Variants in CCSER1 observed in about 807,000 individuals in gnomAD.
The protein encoded by CCSER1 is serine-rich coiled-coil domain-containing protein 1.
A neutral mutation model predicts 82.0 loss-of-function variants in CCSER1; 41 were observed. The ratio of observed to expected loss-of-function variants is 0.50; its 90% CI spans 0.39 to 0.65. CCSER1 has a LOEUF of 0.65. Ranked by LOEUF, CCSER1 falls within the 30% of genes least tolerant of loss-of-function variation. CCSER1 has a pLI of 0.00. For missense variants in CCSER1, 1,119 were observed against 1,064.2 expected (o/e 1.05, Z -0.72); for synonymous variants, 414 against 383.9 (o/e 1.08, Z -0.92).
At chr4:91,162,425 C>G (rs541532611) in intron 10 of CCSER1, among the ~76,000 whole-genome samples, 20 of 152,284 alleles carry the variant, frequency 1.3e-4, no homozygotes, top group South Asian at 1.0e-3. Context: ...GCTTTGGTAT[C>G]AGGATGATGC....
intron 10 of CCSER1, among the ~76,000 whole-genome samples, chr4:91,174,009 T>C (rs909965590): frequency 6.6e-6 from 1 of 152,186 alleles, no homozygotes; most frequent in African/African-American, 2.4e-5. Context: ...ACATATCTAT[T>C]GAAGATAAAT....
intron 6 of CCSER1, among the ~76,000 whole-genome samples, chr4:90,707,292 C>A (rs565840723): frequency 6.6e-6 from 1 of 151,724 alleles, no homozygotes; most frequent in East Asian, 1.9e-4. Context: ...CCAGTGTAGT[C>A]ATTCACAGTG....
At position 91,132,945 on chromosome 4, in the gene CCSER1, T is replaced by C. The variant is rs77556921; in HGVS notation, c.2217+46951T>C. On this transcript the variant is annotated intron_variant, in intron 10 of 10. Coordinates refer to ENST00000509176, the MANE Select transcript of CCSER1 (RefSeq NM_001145065.2). ...ACAATAATTTTTCTTCCTAACAGAC[T>C]GTAGATCTGACTTCTTGGGGATATA... is the stretch of plus-strand genomic sequence containing the variant. 2.6e-4 allele frequency among the ~76,000 whole-genome samples: 40 copies of C among 152,298 alleles called. No homozygotes were observed. In the East Asian group the frequency reaches 7.2e-3, roughly 27 times the overall value.
chr4:91,105,430 G>A (rs984682077), intron 10 of CCSER1, among the ~76,000 whole-genome samples: 3 of 151,872 alleles, frequency 2.0e-5, no homozygotes, highest in East Asian at 1.9e-4. Flanking sequence ...AATAGGCCAG[G>A]CACAGTGGCT....
intron 10 of CCSER1, among the ~76,000 whole-genome samples, chr4:91,317,817 A>G (rs1196053447): frequency 6.6e-6 from 1 of 151,958 alleles, no homozygotes; most frequent in Middle Eastern, 3.2e-3. Flanking sequence ...AGAAGGTTTC[A>G]GTCAGGCAAG....
intron 10 of CCSER1, among the ~76,000 whole-genome samples, chr4:91,264,410 G>A (rs1349452352): frequency 6.6e-6 from 1 of 151,650 alleles, no homozygotes; most frequent in Admixed American, 6.6e-5. Context: ...TCCATAAGTG[G>A]CTTTGTATTG....
At chr4:90,349,061 A>T (rs1742940260) in intron 3 of CCSER1, among the ~76,000 whole-genome samples, 1 of 152,122 alleles carries the variant, frequency 6.6e-6, no homozygotes, top group Non-Finnish European at 1.5e-5. Flanking sequence ...GTCCCTCCTA[A>T]CATAAAATGG....
chr4:90,202,391 T>G (rs1177862632), intron 1 of CCSER1, among the ~76,000 whole-genome samples: 3 of 151,972 alleles, frequency 2.0e-5, no homozygotes, highest in Non-Finnish European at 2.9e-5. Flanking sequence ...TTAGTAGAGA[T>G]AGGGTTTTGC....
chr4:90,219,884 C>T (rs553126020), intron 1 of CCSER1, among the ~76,000 whole-genome samples: 10 of 152,152 alleles, frequency 6.6e-5, no homozygotes, highest in South Asian at 2.1e-4. Context: ...AATAGATCTA[C>T]GGGAAATAGC....
chr4:90,801,831 A>G (rs1273827384), intron 7 of CCSER1, among the ~76,000 whole-genome samples: 2 of 152,190 alleles, frequency 1.3e-5, no homozygotes, highest in African/African-American at 4.8e-5. Flanking sequence ...TCTAAGAATC[A>G]TTTGTTTAGT....
chr4:90,228,243 G>A (rs1743635946), intron 1 of CCSER1, among the ~76,000 whole-genome samples: 1 of 152,174 alleles, frequency 6.6e-6, no homozygotes, highest in Admixed American at 6.5e-5. Context: ...TTTGAAGAGA[G>A]CAGTGTTTCT....
chr4:91,574,722 T>G (rs1763355803), intron 10 of CCSER1, among the ~76,000 whole-genome samples: 1 of 151,872 alleles, frequency 6.6e-6, no homozygotes, highest in Non-Finnish European at 1.5e-5. Context: ...CAATAGACAT[T>G]AGGGACTACC....
At chr4:91,555,042 G>A (rs752847904) in intron 10 of CCSER1, among the ~76,000 whole-genome samples, 51 of 151,178 alleles carry the variant, frequency 3.4e-4, no homozygotes, top group Admixed American at 7.9e-4. Flanking sequence ...GACTCAAATT[G>A]GATTAAAAAC....
intron 10 of CCSER1, among the ~76,000 whole-genome samples, chr4:91,134,870 G>C (rs1319820106): frequency 1.3e-5 from 2 of 152,030 alleles, no homozygotes; most frequent in African/African-American, 4.8e-5. Flanking sequence ...GACCATCCTG[G>C]CCAACATGGT....
At chr4:91,141,783 C>T (rs904430805) in intron 10 of CCSER1, among the ~76,000 whole-genome samples, 3 of 152,110 alleles carry the variant, frequency 2.0e-5, no homozygotes, top group African/African-American at 7.2e-5. Flanking sequence ...GCAGCCTCAC[C>T]AACAGTTGTT....
intron 10 of CCSER1, chr4:91,319,857 AT>A: frequency 2.7e-6 from 1 of 369,522 alleles, no homozygotes; most frequent in African/African-American, 2.1e-5. Context: ...GCATTTCACT[AT>A]CCACCGTTTC....
At chr4:91,077,990 G>C (rs975719124) in intron 9 of CCSER1, among the ~76,000 whole-genome samples, 1 of 152,232 alleles carries the variant, frequency 6.6e-6, no homozygotes, top group Non-Finnish European at 1.5e-5. Context: ...AGGCCCGCCT[G>C]CCTCTGTAGA....
chr4:90,995,632 A>C (rs951119348), intron 9 of CCSER1, among the ~76,000 whole-genome samples: 3 of 152,120 alleles, frequency 2.0e-5, no homozygotes, highest in African/African-American at 7.2e-5. Flanking sequence ...ATTATTACAA[A>C]ATTTTTTAAA....
At chr4:90,989,217 A>G (rs1736824227) in intron 9 of CCSER1, among the ~76,000 whole-genome samples, 1 of 151,806 alleles carries the variant, frequency 6.6e-6, no homozygotes. Context: ...GAGAAGAATC[A>G]TGGAGCCTGC....
Sources: gnomAD v4.1 joint callset for allele counts (sites outside exome capture counted in the v4.1 genomes callset) on GRCh38, gnomAD v4.1.1 for gene constraint, MANE v1.5 for transcripts, NCBI Gene and HGNC (gene_info 2026-07-23, HGNC 2026-07-21) for gene names.